SPATS2L: variants seen among roughly 807,000 people sequenced by gnomAD.
The protein encoded by SPATS2L is SPATS2-like protein.
A neutral mutation model predicts 59.6 loss-of-function variants in SPATS2L; 30 were observed. That is an observed-to-expected ratio of 0.50 (90% CI 0.38 to 0.68). The LOEUF is 0.68. Ranked by LOEUF, SPATS2L falls within the 30% of genes least tolerant of loss-of-function variation. The pLI, the probability that SPATS2L is intolerant of heterozygous loss-of-function variation, is 0.00. For synonymous variants in SPATS2L, 252 were observed against 263.5 expected (o/e 0.96, Z 0.42); for missense variants, 615 against 700.0 (o/e 0.88, Z 1.37).
At position 200,473,150 on chromosome 2, in the gene SPATS2L, G is replaced by C. The variant is rs1032044462; in HGVS notation, c.1281+98G>C. ...ACTACTAGATTCTGGGCCTCCTGGG[G>C]TCACACTCAGGCTCCCGCCACCTGC... On this transcript the variant is annotated intron_variant, in intron 12 of 12. Coordinates refer to ENST00000409140, the MANE Select transcript of SPATS2L (RefSeq NM_001100423.2). 198 of 1,209,838 alleles carry C rather than the reference G, an allele frequency of 1.6e-4. 3 individuals carry two copies. In the Middle Eastern group the frequency reaches 2.3e-3, roughly 14 times the overall value. 74.9% of individuals were successfully genotyped at this position (1,209,838 alleles called of 1,614,324 possible). A position where few individuals can be genotyped will look rare whatever the true frequency, so the allele number is the denominator to read the frequency against.
intron 2 of SPATS2L, among the ~76,000 whole-genome samples, chr2:200,348,078 A>G (rs552833607): frequency 6.6e-6 from 1 of 152,174 alleles, no homozygotes; most frequent in African/African-American, 2.4e-5. Flanking sequence ...ATTGTTTCTG[A>G]ACATAAAGTT....
chr2:200,315,643 A>G (rs2079346106), intron 1 of SPATS2L, among the ~76,000 whole-genome samples: 1 of 152,162 alleles, frequency 6.6e-6, no homozygotes, highest in South Asian at 2.1e-4. Flanking sequence ...TAATGTGTCA[A>G]ACAAAATGAT....
chr2:200,366,430 T>C (rs1205212327), intron 2 of SPATS2L, among the ~76,000 whole-genome samples: 1 of 152,218 alleles, frequency 6.6e-6, no homozygotes, highest in African/African-American at 2.4e-5. Flanking sequence ...TTCTTATTCT[T>C]GTATCCATCT....
intron 2 of SPATS2L, among the ~76,000 whole-genome samples, chr2:200,376,761 A>G (rs1230996000): frequency 6.6e-6 from 1 of 152,228 alleles, no homozygotes; most frequent in East Asian, 1.9e-4. Flanking sequence ...CTGTGGACAC[A>G]GACAGAGCCC....
At chr2:200,448,608 C>T (rs961150688) in intron 8 of SPATS2L, among the ~76,000 whole-genome samples, 2 of 152,158 alleles carry the variant, frequency 1.3e-5, no homozygotes, top group African/African-American at 4.8e-5. Flanking sequence ...GAAATGAATA[C>T]AATCCTTGCA....
chr2:200,343,938 G>C (rs1449429282), intron 2 of SPATS2L, among the ~76,000 whole-genome samples: 1 of 151,978 alleles, frequency 6.6e-6, no homozygotes, highest in Non-Finnish European at 1.5e-5. Context: ...TCTCTGAGTG[G>C]TAAGGTTTGG....
At chr2:200,341,372 G>A (rs966089065) in intron 2 of SPATS2L, among the ~76,000 whole-genome samples, 8 of 152,102 alleles carry the variant, frequency 5.3e-5, no homozygotes, top group Non-Finnish European at 1.0e-4. Flanking sequence ...CCTCATCTCC[G>A]AAATGGGAAT....
chr2:200,479,737 A>T lies in SPATS2L; in HGVS notation c.*1706A>T. On this transcript the variant is annotated 3_prime_UTR_variant, in exon 13 of 13. Transcript: ENST00000409140. ...CTCAACATTAACATTTTTTCTGGCAACCCAGGTTCACTGGTTCTCTTCCAC... is the reference window on the plus strand; with the variant it reads ...CTCAACATTAACATTTTTTCTGGCATCCCAGGTTCACTGGTTCTCTTCCAC... 2.5e-6 allele frequency: 1 copy of T among 398,594 alleles called. No homozygotes were observed. Among genetic ancestry groups the T allele is most frequent in the Non-Finnish European group, 4.4e-6 (1 of 226,070 alleles). 24.7% of individuals were successfully genotyped at this position (398,594 alleles called of 1,614,324 possible).
At chr2:200,349,328 G>A (rs951235039) in intron 2 of SPATS2L, among the ~76,000 whole-genome samples, 3 of 152,110 alleles carry the variant, frequency 2.0e-5, no homozygotes, top group African/African-American at 7.2e-5. Context: ...TGACTCACAG[G>A]CTACATCAAG....
intron 2 of SPATS2L, among the ~76,000 whole-genome samples, chr2:200,373,002 G>C (rs2081478060): frequency 6.6e-6 from 1 of 152,206 alleles, no homozygotes; most frequent in African/African-American, 2.4e-5. Flanking sequence ...GAATGACTGT[G>C]GTCAGTAAAT....
At chr2:200,374,232 G>T (rs1415631769) in intron 2 of SPATS2L, among the ~76,000 whole-genome samples, 4 of 152,126 alleles carry the variant, frequency 2.6e-5, no homozygotes, top group African/African-American at 9.7e-5. Context: ...GTGCTAAGCA[G>T]GTAGGTTTTA....
intron 3 of SPATS2L, chr2:200,393,250 AT>A (rs1559093008): frequency 2.2e-6 from 1 of 456,890 alleles, no homozygotes; most frequent in Admixed American, 2.3e-5. Flanking sequence ...CCTGCAAAAC[AT>A]GGCTGGTGGA....
chr2:200,439,322 A>G lies in SPATS2L; in HGVS notation c.646A>G (p.Lys216Glu). ...AATAAAGCCAGATGAGTTGGCAAAG[A>G]AAAGAGGTAAAGTGATTTCTTTTGC... ...LEIKPDELAK[K>E]RGPNIEKSVK... The change falls in exon 7 of 13, where the codon AAA becomes GAA. Residue 216 changes from lysine (K) to glutamate (E), a missense_variant. Lys to Glu is a moderately conservative substitution (Grantham distance 56). Transcript: ENST00000409140. 3.1e-6 allele frequency: 5 copies of G among 1,611,906 alleles called. No individual in the cohort carries two copies. Among genetic ancestry groups the G allele is most frequent in the Non-Finnish European group, 4.2e-6 (5 of 1,178,188 alleles).
intron 1 of SPATS2L, among the ~76,000 whole-genome samples, chr2:200,307,658 A>G (rs1216722000): frequency 3.9e-5 from 6 of 152,162 alleles, no homozygotes; most frequent in African/African-American, 1.4e-4. Context: ...ACGCCGGCGC[A>G]CTCTGAATAT....
At chr2:200,365,192 G>T (rs1004688555) in intron 2 of SPATS2L, among the ~76,000 whole-genome samples, 1 of 152,188 alleles carries the variant, frequency 6.6e-6, no homozygotes, top group Non-Finnish European at 1.5e-5. Context: ...CTAATATTTT[G>T]TGGGTTTACT....
chr2:200,359,248 C>G (rs2081020317), intron 2 of SPATS2L, among the ~76,000 whole-genome samples: 1 of 152,024 alleles, frequency 6.6e-6, no homozygotes, highest in South Asian at 2.1e-4. Flanking sequence ...AATTGATGTT[C>G]AGTTTCATAC....
intron 3 of SPATS2L, among the ~76,000 whole-genome samples, chr2:200,398,659 A>G (rs891088096): frequency 1.3e-5 from 2 of 152,158 alleles, no homozygotes; most frequent in Non-Finnish European, 2.9e-5. Flanking sequence ...TAATCTGCCA[A>G]ACGATGGGAG....
At chr2:200,396,068 T>TATATATGTATA (rs58104978) in intron 3 of SPATS2L, among the ~76,000 whole-genome samples, 2 of 25,172 alleles carry the variant, frequency 7.9e-5, no homozygotes, top group African/African-American at 2.8e-4. Context: ...ATATATATAT[T>TATATATGTATA]TTCCCATAGA....
intron 9 of SPATS2L, 82 bp downstream of exon 9, chr2:200,459,909 C>A: frequency 9.6e-7 from 1 of 1,040,918 alleles, no homozygotes; most frequent in Non-Finnish European, 1.4e-6. Flanking sequence ...ATGATACCGG[C>A]TTCTGAACAG....
Sources: gnomAD v4.1 joint callset for allele counts (sites outside exome capture counted in the v4.1 genomes callset) on GRCh38, gnomAD v4.1.1 for gene constraint, MANE v1.5 for transcripts, NCBI Gene and HGNC (gene_info 2026-07-23, HGNC 2026-07-21) for gene names.